Variants in KCTD20 observed in about 807,000 individuals in gnomAD.
KCTD20 encodes the protein potassium channel tetramerization domain containing 20, also known as BTB/POZ domain-containing protein KCTD20.
KCTD20 carries 30 observed loss-of-function variants against 39.6 expected under a neutral mutation model. The ratio of observed to expected loss-of-function variants is 0.76; its 90% confidence interval spans 0.57 to 1.03. KCTD20 has a LOEUF of 1.03. Among genes scored for constraint, KCTD20 ranks in the 50% least tolerant of loss-of-function variants. The probability of loss-of-function intolerance (pLI) is 0.00; values close to 1 mark genes in which losing one functional copy is unlikely to be tolerated. For synonymous variants in KCTD20, 162 were observed against 180.6 expected, an observed-to-expected ratio of 0.90 and a Z score of 0.83; for missense variants, 422 against 522.0, an observed-to-expected ratio of 0.81 and a Z score of 1.87.
At position 36,475,320 on chromosome 6, in the gene KCTD20, C is replaced by G. The variant is rs182915822; in HGVS notation, c.434+258C>G. 4.1e-3 allele frequency among the ~76,000 whole-genome samples: 630 copies of G among 151,948 alleles called. 4 individuals are homozygous for G. The highest frequency in any genetic ancestry group is 0.017 in the Middle Eastern group (5 of 294). ...AATTAGCTGGGTGTGGTGGCGGGCA[C>G]CTATAATCCCAGCTGCTACTTGGGA... On this transcript the variant is annotated intron_variant, in intron 3 of 7. Coordinates refer to ENST00000373731, the MANE Select transcript of KCTD20 (RefSeq NM_173562.5).
chr6:36,461,390 G>C (rs1775596159), intron 1 of KCTD20, among the ~76,000 whole-genome samples: 1 of 152,160 alleles, frequency 6.6e-6, no homozygotes, highest in Non-Finnish European at 1.5e-5. Flanking sequence ...ACTAAATGTA[G>C]TGAAGATGTT....
At chr6:36,458,496 G>A (rs1380589608) in intron 1 of KCTD20, among the ~76,000 whole-genome samples, 10 of 146,148 alleles carry the variant, frequency 6.8e-5, no homozygotes, top group African/African-American at 1.0e-4. Flanking sequence ...AGCCAAGAGC[G>A]TGCTACTGCA....
chr6:36,470,855 A>G (rs906695467), intron 2 of KCTD20, among the ~76,000 whole-genome samples: 2 of 152,144 alleles, frequency 1.3e-5, no homozygotes, highest in African/African-American at 4.8e-5. Context: ...CAAGGCTATT[A>G]ATATTCTTCC....
At chr6:36,479,514 C>A (rs1023603594) in intron 4 of KCTD20, 77 bp from the exon 5 acceptor site, 1 of 1,325,744 alleles carries the variant, frequency 7.5e-7, no homozygotes, top group African/African-American at 1.5e-5. Flanking sequence ...TTAACAAAAC[C>A]AGGAATGCAC....
chr6:36,462,128 C>A (rs1775619602), intron 1 of KCTD20, among the ~76,000 whole-genome samples: 1 of 152,118 alleles, frequency 6.6e-6, no homozygotes, highest in African/African-American at 2.4e-5. Context: ...CCTTTTCCAT[C>A]CTTCACCATT....
intron 6 of KCTD20, among the ~76,000 whole-genome samples, chr6:36,483,939 ATT>A (rs148413365): frequency 6.6e-5 from 9 of 135,912 alleles, no homozygotes; most frequent in Admixed American, 1.5e-4. Context: ...GTGAGGCTGA[ATT>A]TTTTTTTTTT....
chr6:36,448,972 C>T (rs777524859), intron 1 of KCTD20, among the ~76,000 whole-genome samples: 5 of 152,030 alleles, frequency 3.3e-5, no homozygotes, highest in Non-Finnish European at 7.4e-5. Flanking sequence ...CCGGTGGGTT[C>T]GTGGTCTTGC....
rs146448160 is a variant in KCTD20 at position 36,466,186 on chromosome 6, C to A, written c.-46-3866C>A. 3.5e-3 allele frequency among the ~76,000 whole-genome samples: 534 copies of A among 151,696 alleles called. 1 individual carries two copies. The highest frequency in any genetic ancestry group is 0.012 in the African/African-American group (500 of 41,312). On this transcript the variant is annotated intron_variant, in intron 1 of 7. Coordinates refer to ENST00000373731, the MANE Select transcript of KCTD20 (RefSeq NM_173562.5). ...CAAGCAATTCTCCTGCCTCAGCCTC[C>A]CGAGTAGCTGGGACTACAGGTGCAC...
rs763032359 is a variant in KCTD20 at position 36,487,208 on chromosome 6, C to T, written c.*33C>T. On this transcript the variant is annotated 3_prime_UTR_variant, in exon 8 of 8. Coordinates refer to ENST00000373731, the MANE Select transcript of KCTD20 (RefSeq NM_173562.5). ...TGTGGGTCTACTCCTTGTTGGAGCCCATCTCACCTGGGATGCCTGCAGCCA... is the reference window on the plus strand; with the variant it reads ...TGTGGGTCTACTCCTTGTTGGAGCCTATCTCACCTGGGATGCCTGCAGCCA... 3.8e-6 allele frequency: 6 copies of T among 1,585,082 alleles called. No homozygotes were observed. In the African/African-American group the frequency reaches 8.1e-5, roughly 21 times the overall value.
At chr6:36,445,261 CAAA>C (rs34039126) in intron 1 of KCTD20, among the ~76,000 whole-genome samples, 4 of 79,770 alleles carry the variant, frequency 5.0e-5, no homozygotes, top group South Asian at 4.5e-4. Flanking sequence ...GACTCCGTCT[CAAA>C]AAAAAAAAAA....
chr6:36,447,375 C>T (rs1308576613), intron 1 of KCTD20, among the ~76,000 whole-genome samples: 1 of 152,104 alleles, frequency 6.6e-6, no homozygotes. Flanking sequence ...AGCCTGTAAT[C>T]CCAGCACTTT....
chr6:36,472,560 C>A (rs997610927), intron 2 of KCTD20, among the ~76,000 whole-genome samples: 1 of 150,088 alleles, frequency 6.7e-6, no homozygotes, highest in African/African-American at 2.5e-5. Flanking sequence ...TCAAAAAGGG[C>A]TTGAAGAAAA....
At chr6:36,470,930 A>G (rs938985445) in intron 2 of KCTD20, among the ~76,000 whole-genome samples, 1 of 152,206 alleles carries the variant, frequency 6.6e-6, no homozygotes, top group Non-Finnish European at 1.5e-5. Flanking sequence ...CAGGTGGATC[A>G]CTTGAGGTCA....
intron 2 of KCTD20, among the ~76,000 whole-genome samples, chr6:36,471,008 G>A (rs965189908): frequency 2.0e-5 from 3 of 152,012 alleles, no homozygotes; most frequent in African/African-American, 4.8e-5. Context: ...AAAATTAGCC[G>A]GGCGTGGTGG....
intron 1 of KCTD20, among the ~76,000 whole-genome samples, chr6:36,449,584 C>G (rs369372906): frequency 6.6e-6 from 1 of 152,162 alleles, no homozygotes; most frequent in Non-Finnish European, 1.5e-5. Context: ...GAAAAGTTCT[C>G]CAATTGCGTT....
intron 1 of KCTD20, among the ~76,000 whole-genome samples, chr6:36,465,395 T>G (rs1180090380): frequency 1.3e-5 from 2 of 151,380 alleles, no homozygotes; most frequent in African/African-American, 4.8e-5. Flanking sequence ...TTGTTTTTTT[T>G]TTTTTTAATC....
At position 36,446,024 on chromosome 6, in the gene KCTD20, G is replaced by GTTTTTTTTTTTT. The variant is rs553882182; in HGVS notation, c.-47+2916_-47+2927dup. ...AAGCCCCAGAAATGTTATGAACTCA[G>GTTTTTTTTTTTT]TTTTTTTTTTTTTTCTTTTGAGACA... On this transcript the variant is annotated intron_variant, in intron 1 of 7. Transcript: ENST00000373731. Among the ~76,000 whole-genome samples the GTTTTTTTTTTTT allele has an allele frequency of 1.3e-4, 17 of 126,538 alleles. 2 individuals carry two copies. Among genetic ancestry groups the GTTTTTTTTTTTT allele is most frequent in the African/African-American group, 2.1e-4 (7 of 33,748 alleles). The allele number at this position is 126,538 out of a possible 152,430, so 83.0% of individuals were successfully genotyped here.
In KCTD20 at chr6:36,460,494, G is replaced by A. The variant is rs184496080; in HGVS notation, c.-46-9558G>A. On this transcript the variant is annotated intron_variant, in intron 1 of 7. Coordinates refer to ENST00000373731, the MANE Select transcript of KCTD20 (RefSeq NM_173562.5). ...AATTTTTTGTATTTTTAATAGAGAC[G>A]GGGTTTCACCATGTTGGCCAGGCTG... is the stretch of plus-strand genomic sequence containing the variant. Among the ~76,000 whole-genome samples, 109 of 152,140 alleles carry A rather than the reference G, an allele frequency of 7.2e-4. 1 individual carries two copies. The highest frequency in any genetic ancestry group is 2.5e-3 in the African/African-American group (104 of 41,514).
chr6:36,487,086 ATAT>A lies in KCTD20; in HGVS notation c.1174_1176del (p.Leu392del). 1 of 1,614,206 alleles carries A rather than the reference ATAT, an allele frequency of 6.2e-7. No homozygotes were observed. Among genetic ancestry groups the A allele is most frequent in the Non-Finnish European group, 8.5e-7 (1 of 1,180,038 alleles). On this transcript the variant is annotated inframe_deletion, in exon 8 of 8. Coordinates refer to ENST00000373731, the MANE Select transcript of KCTD20 (RefSeq NM_173562.5). ...AGATGATGTCTTGGAGGACCAGGAG[ATAT>A]TAATGCATCACCCACCCCAAGTGGA...
Sources: allele counts gnomAD v4.1 joint callset (sites outside exome capture counted in the v4.1 genomes callset), GRCh38; gene constraint gnomAD v4.1.1; transcripts MANE v1.5; gene names NCBI Gene and HGNC (gene_info 2026-07-23, HGNC 2026-07-21).